Variants in FNDC3B observed in about 807,000 individuals in gnomAD.
FNDC3B encodes fibronectin type III domain-containing protein 3B.
A neutral mutation model predicts 151.5 loss-of-function variants in FNDC3B; 12 were observed. The observed-to-expected ratio is 0.08, with a 90% confidence interval of 0.05 to 0.13. The LOEUF (loss-of-function observed/expected upper bound fraction) is 0.13, where lower values mean the gene tolerates loss of function less well. Among genes scored for constraint, FNDC3B ranks in the 10% least tolerant of loss-of-function variants. The probability of loss-of-function intolerance (pLI) is 1.00; values close to 1 mark genes in which losing one functional copy is unlikely to be tolerated. For missense variants in FNDC3B, 1,214 were observed against 1,505.3 expected (o/e 0.81, Z 3.20); for synonymous variants, 528 against 549.0 (o/e 0.96, Z 0.54).
At chr3:172,150,085 G>C (rs932512578) in intron 3 of FNDC3B, among the ~76,000 whole-genome samples, 4 of 151,984 alleles carry the variant, frequency 2.6e-5, no homozygotes, top group Admixed American at 1.3e-4. Flanking sequence ...CAAAAGTGCT[G>C]GGATTACAGG....
At chr3:172,221,029 G>C (rs761109622) in intron 3 of FNDC3B, among the ~76,000 whole-genome samples, 1 of 152,114 alleles carries the variant, frequency 6.6e-6, no homozygotes, top group South Asian at 2.1e-4. Context: ...TTATCACCAG[G>C]TATTTTATTC....
intron 4 of FNDC3B, among the ~76,000 whole-genome samples, chr3:172,244,346 T>A (rs1316568325): frequency 6.6e-6 from 1 of 152,232 alleles, no homozygotes; most frequent in East Asian, 1.9e-4. Context: ...TTCTGTCTGA[T>A]GTCTAAATTC....
intron 4 of FNDC3B, among the ~76,000 whole-genome samples, chr3:172,239,057 T>TA (rs1553776672): frequency 1.9e-4 from 29 of 151,684 alleles, no homozygotes; most frequent in African/African-American, 7.0e-4. Flanking sequence ...TAATTTATTT[T>TA]TTTTTTTTTA....
At chr3:172,259,827 A>G (rs1304347476) in intron 6 of FNDC3B, among the ~76,000 whole-genome samples, 3 of 152,230 alleles carry the variant, frequency 2.0e-5, no homozygotes, top group Admixed American at 6.5e-5. Context: ...GATTCTTTCA[A>G]CAGGCAAAAT....
At chr3:172,228,686 G>A (rs558439210) in intron 4 of FNDC3B, among the ~76,000 whole-genome samples, 45 of 152,270 alleles carry the variant, frequency 3.0e-4, no homozygotes, top group African/African-American at 1.0e-3. Context: ...TGACAGGTAT[G>A]GCAGAATATG....
In FNDC3B at chr3:172,099,827, T is replaced by C. The variant is rs143226496; in HGVS notation, c.-28-12625T>C. ...TGTCAGGTGAACTCTAGTTGTATAATAGAAAGTATAAAGGAGGGACAGCAA... is the reference window on the plus strand; with the variant it reads ...TGTCAGGTGAACTCTAGTTGTATAACAGAAAGTATAAAGGAGGGACAGCAA... On this transcript the variant is annotated intron_variant, in intron 1 of 25. Coordinates refer to ENST00000415807, the MANE Select transcript of FNDC3B (RefSeq NM_022763.4). Among the ~76,000 whole-genome samples the C allele has an allele frequency of 8.5e-5, 13 of 152,342 alleles. No homozygotes were observed. The East Asian group carries it at 2.5e-3, about 29-fold the overall frequency.
At chr3:172,234,137 C>T (rs559046578) in intron 4 of FNDC3B, among the ~76,000 whole-genome samples, 15 of 152,210 alleles carry the variant, frequency 9.9e-5, no homozygotes, top group African/African-American at 2.4e-4. Flanking sequence ...TCTGTGATCC[C>T]GGCATCGTGA....
chr3:172,172,853 C>T (rs1257791388), intron 3 of FNDC3B, among the ~76,000 whole-genome samples: 10 of 152,056 alleles, frequency 6.6e-5, no homozygotes, highest in Admixed American at 1.3e-4. Context: ...TCATATTCTT[C>T]GACATTTCCT....
chr3:172,382,291 T>C (rs143241053), intron 25 of FNDC3B, among the ~76,000 whole-genome samples: 219 of 152,364 alleles, frequency 1.4e-3, no homozygotes, highest in African/African-American at 5.0e-3. Flanking sequence ...TGTCTGTTCA[T>C]ATCCTTCACC....
chr3:172,106,533 T>A (rs1442777705), intron 1 of FNDC3B, among the ~76,000 whole-genome samples: 2 of 152,268 alleles, frequency 1.3e-5, no homozygotes, highest in Admixed American at 6.5e-5. Flanking sequence ...ATTTGCGTAC[T>A]GTACTGCTAA....
chr3:172,057,224 G>C (rs1332925349), intron 1 of FNDC3B, among the ~76,000 whole-genome samples: 1 of 152,160 alleles, frequency 6.6e-6, no homozygotes, highest in African/African-American at 2.4e-5. Flanking sequence ...AGTGGATGCA[G>C]CTGTTGGGCT....
chr3:172,230,050 A>G (rs149870707), intron 4 of FNDC3B, among the ~76,000 whole-genome samples: 1,625 of 152,336 alleles, frequency 0.011, 27 homozygotes, highest in Non-Finnish European at 0.011. Flanking sequence ...AACTAAAACT[A>G]TAAAACTTGA....
Position 172,040,873 on chromosome 3 carries a change from G to T in FNDC3B, c.-29+1102G>T, listed in dbSNP as rs1275676569. Among the ~76,000 whole-genome samples the T allele has an allele frequency of 1.3e-5, 2 of 152,122 alleles. No individual in the cohort carries two copies. Among genetic ancestry groups the T allele is most frequent in the Non-Finnish European group, 1.5e-5 (1 of 68,002 alleles). ...GGAGGACCCGGGCCCGCCGTCTCGG[G>T]AGACTGGGCTGCGCCGCCCGGCGGC... is the stretch of plus-strand genomic sequence containing the variant. On this transcript the variant is annotated intron_variant, in intron 1 of 25. Transcript: ENST00000415807. The surrounding 1 kb of genome is among the most constrained non-coding windows in gnomAD (Gnocchi z 6.6).
At chr3:172,396,829 G>T (rs1263086568) in intron 25 of FNDC3B, among the ~76,000 whole-genome samples, 2 of 152,180 alleles carry the variant, frequency 1.3e-5, no homozygotes, top group Non-Finnish European at 2.9e-5. Context: ...AGTCCCTGGT[G>T]CCCAAAAGGT....
chr3:172,388,244 G>A (rs1252317710), intron 25 of FNDC3B, among the ~76,000 whole-genome samples: 2 of 152,084 alleles, frequency 1.3e-5, no homozygotes, highest in African/African-American at 4.8e-5. Context: ...AAAGCTCCCT[G>A]TTATTTACAG....
chr3:172,095,393 C>T (rs930569843), intron 1 of FNDC3B, among the ~76,000 whole-genome samples: 2 of 152,192 alleles, frequency 1.3e-5, no homozygotes, highest in Non-Finnish European at 2.9e-5. Flanking sequence ...CAGTCCCCAC[C>T]ACCACTGCCC....
At chr3:172,101,698 C>T (rs1455403916) in intron 1 of FNDC3B, among the ~76,000 whole-genome samples, 1 of 152,148 alleles carries the variant, frequency 6.6e-6, no homozygotes, top group African/African-American at 2.4e-5. Flanking sequence ...TAACTTGCTG[C>T]CCTTTGGAAA....
Position 172,247,711 on chromosome 3 carries a change from C to A in FNDC3B, c.443C>A (p.Pro148His), listed in dbSNP as rs750254687. The A allele has an allele frequency of 8.7e-6, 14 of 1,614,098 alleles. No homozygotes were observed. Among genetic ancestry groups the A allele is most frequent in the Non-Finnish European group, 1.2e-5 (14 of 1,179,990 alleles). ...GCTTACTACCCACCTGTTACCGGAC[C>A]TGGAGATATGCCGCCTCAGTTTTTT... ...HTAYYPPVTG[P>H]GDMPPQFFPQ... Residue 148 changes from proline (P) to histidine (H), a missense_variant, in exon 5 of 26, where the codon CCT (proline) becomes CAT (histidine). Transcript: ENST00000415807.
intron 3 of FNDC3B, among the ~76,000 whole-genome samples, chr3:172,158,659 A>G (rs746268247): frequency 1.3e-5 from 2 of 152,188 alleles, no homozygotes; most frequent in Non-Finnish European, 1.5e-5. Flanking sequence ...ATGACATCCA[A>G]TTTGACAATT....
Sources: allele counts gnomAD v4.1 joint callset (sites outside exome capture counted in the v4.1 genomes callset), GRCh38; gene constraint gnomAD v4.1.1; non-coding constraint Gnocchi (gnomAD v3.1); transcripts MANE v1.5; gene names NCBI Gene and HGNC (gene_info 2026-07-23, HGNC 2026-07-21).